Variants in TBKBP1 observed in about 807,000 individuals in gnomAD.
The protein encoded by TBKBP1 is TBK1 binding protein 1.
Under a neutral mutation model 69.9 loss-of-function variants are expected in TBKBP1, and 47 were observed. The ratio of observed to expected loss-of-function variants is 0.67; its 90% confidence interval spans 0.53 to 0.86. TBKBP1 has a LOEUF of 0.86. Among genes scored for constraint, TBKBP1 ranks in the 40% least tolerant of loss-of-function variants. TBKBP1 has a pLI of 0.00. For synonymous variants in TBKBP1, 418 were observed against 390.3 expected (o/e 1.07, Z -0.84); for missense variants, 831 against 858.6 (o/e 0.97, Z 0.40).
chr17:47,709,019 C>A lies in TBKBP1; in HGVS notation c.1286C>A (p.Pro429Gln), dbSNP rs1031767645. ...PSCPAPQPRP[P>Q]PPPPPGERTL... Reference sequence around the variant, plus strand: ...TGCCCGGCCCCGCAGCCCCGGCCACCGCCGCCGCCCCCGCCGGGCGAGAGG... The same window carrying A: ...TGCCCGGCCCCGCAGCCCCGGCCACAGCCGCCGCCCCCGCCGGGCGAGAGG... Residue 429 changes from proline to glutamine, a missense_variant, in exon 9 of 10, where the codon CCG becomes CAG. Coordinates refer to ENST00000578982, the MANE Select transcript of TBKBP1 (RefSeq NM_001394755.1). 5.4e-5 allele frequency: 65 copies of A among 1,193,652 alleles called. No homozygotes were observed. The highest frequency in any genetic ancestry group is 6.8e-5 in the Non-Finnish European group (65 of 960,108). 73.9% of individuals were successfully genotyped at this position (1,193,652 alleles called of 1,614,324 possible). A position where few individuals can be genotyped will look rare whatever the true frequency, so the allele number is the denominator to read the frequency against.
chr17:47,704,661 G>A (rs576316833), intron 7 of TBKBP1, among the ~76,000 whole-genome samples: 11 of 152,092 alleles, frequency 7.2e-5, no homozygotes, highest in Non-Finnish European at 7.4e-5. Flanking sequence ...TACTGCTCCC[G>A]TCCCTGACTC....
intron 7 of TBKBP1, among the ~76,000 whole-genome samples, chr17:47,705,624 G>T (rs747853254): frequency 5.3e-5 from 8 of 152,234 alleles, no homozygotes; most frequent in Non-Finnish European, 1.0e-4. Flanking sequence ...GAAATGGAAT[G>T]TGTATTTCGG....
Position 47,696,255 on chromosome 17 carries a change from AC to A in TBKBP1, c.144del (p.Tyr48Ter). On this transcript the variant is annotated frameshift_variant, in exon 2 of 10. Transcript: ENST00000578982. LOFTEE classifies it high-confidence loss of function. ...SASHFALITAYGDIKERLGGL... is the reference protein window; with the variant it reads ...SASHFALITAXGDIKERLGGL... ...TCCCACTTTGCCCTCATCACTGCTT[AC>A]GGAGACATCAAGGAACGGCTGGGGG... is the stretch of plus-strand genomic sequence containing the variant. 6.2e-7 allele frequency: 1 copy of A among 1,613,722 alleles called. No individual in the cohort carries two copies. Among genetic ancestry groups the A allele is most frequent in the Non-Finnish European group, 8.5e-7 (1 of 1,179,856 alleles).
intron 1 of TBKBP1, among the ~76,000 whole-genome samples, chr17:47,694,897 G>GC (rs1387181857): frequency 6.7e-6 from 1 of 150,302 alleles, no homozygotes; most frequent in Non-Finnish European, 1.5e-5. Flanking sequence ...GAGGGGGGGG[G>GC]GTGGATTGAA....
Position 47,709,014 on chromosome 17 carries a change from G to A in TBKBP1, c.1281G>A (p.Arg427=), listed in dbSNP as rs770927199. 154 of 1,181,710 alleles carry A rather than the reference G, an allele frequency of 1.3e-4. 2 individuals carry two copies. The South Asian group carries it at 4.0e-3, about 30-fold the overall frequency. The allele number at this position is 1,181,710 out of a possible 1,614,324, so 73.2% of individuals were successfully genotyped here. The change falls in exon 9 of 10, where the codon CGG becomes CGA. Residue 427 remains arginine, a synonymous_variant. Coordinates refer to ENST00000578982, the MANE Select transcript of TBKBP1 (RefSeq NM_001394755.1). The part of the protein sequence containing the change: ...VPPSCPAPQP[R]PPPPPPPGER... ...CCAGCTGCCCGGCCCCGCAGCCCCG[G>A]CCACCGCCGCCGCCCCCGCCGGGCG...
Position 47,708,517 on chromosome 17 carries a change from G to A in TBKBP1, c.991+5G>A. The stretch of plus-strand genomic sequence containing the variant: ...AGGAACAGGCCCGGAGTGGCGGTGA[G>A]ATGGGGCAGGGCAGGGGGAGGCAGC... On this transcript the variant is annotated splice_donor_5th_base_variant and intron_variant, in intron 8 of 9. Coordinates refer to ENST00000578982, the MANE Select transcript of TBKBP1 (RefSeq NM_001394755.1). This position sits in a 1 kb window ranked among gnomAD's most constrained non-coding sequence, Gnocchi z 4.4. 1 of 1,613,634 alleles carries A rather than the reference G, an allele frequency of 6.2e-7. No individual in the cohort carries two copies. The highest frequency in any genetic ancestry group is 8.5e-7 in the Non-Finnish European group (1 of 1,179,740).
rs562795930 is a variant in TBKBP1, at chr17:47,697,676, C to G, written c.453+483C>G. ...GCTGTGCCGGTGAGCAGGTCAAAAT[C>G]AAGAGACAGGCCAGGTATGGTGGCT... On this transcript the variant is annotated intron_variant, in intron 4 of 9. Coordinates refer to ENST00000578982, the MANE Select transcript of TBKBP1 (RefSeq NM_001394755.1). 8.1e-4 allele frequency among the ~76,000 whole-genome samples: 123 copies of G among 152,170 alleles called. 1 individual carries two copies. The highest frequency in any genetic ancestry group is 2.9e-3 in the African/African-American group (121 of 41,506).
intron 5 of TBKBP1, 29 bp downstream of exon 5, chr17:47,698,804 C>A: frequency 6.6e-7 from 1 of 1,509,844 alleles, no homozygotes; most frequent in Non-Finnish European, 8.9e-7. Context: ...CGACTTACCT[C>A]CTAGTCCCCA....
intron 7 of TBKBP1, among the ~76,000 whole-genome samples, chr17:47,702,991 G>C (rs1182203759): frequency 7.3e-6 from 1 of 136,542 alleles, no homozygotes; most frequent in Non-Finnish European, 1.6e-5. Context: ...AATGCGGGGG[G>C]GGGAACTTCT....
intron 7 of TBKBP1, among the ~76,000 whole-genome samples, chr17:47,700,276 A>C (rs1276310650): frequency 1.2e-5 from 1 of 81,400 alleles, no homozygotes; most frequent in Non-Finnish European, 2.7e-5. Context: ...GGAGTGAGCC[A>C]CTGCGCCCGG....
chr17:47,697,012 G>A, intron 3 of TBKBP1, 77 bp from the exon 4 acceptor site: 1 of 1,523,858 alleles, frequency 6.6e-7, no homozygotes, highest in Non-Finnish European at 8.9e-7. Context: ...GTGGGGGTGG[G>A]GAGGTGCAGG....
intron 4 of TBKBP1, among the ~76,000 whole-genome samples, chr17:47,697,789 CA>C (rs1160553883): frequency 6.6e-6 from 1 of 151,590 alleles, no homozygotes; most frequent in Non-Finnish European, 1.5e-5. Flanking sequence ...ACAAAAAATA[CA>C]AAAAAGAAGT....
Position 47,699,246 on chromosome 17 carries a change from C to G in TBKBP1, c.635-74C>G, listed in dbSNP as rs547447692. 3.1e-5 allele frequency: 44 copies of G among 1,412,250 alleles called. 1 individual carries two copies. Among genetic ancestry groups the G allele is most frequent in the Middle Eastern group, 2.7e-4 (1 of 3,766 alleles). The allele number at this position is 1,412,250 out of a possible 1,614,324, so 87.5% of individuals were successfully genotyped here. On this transcript the variant is annotated intron_variant, in intron 5 of 9. Transcript: ENST00000578982. ...TCTCTTGGAGTCCCCATGCTGCATC[C>G]TCCTGTTTCACTCTGGCTCTGGGAG...
rs1385270583 is a variant in TBKBP1, at chr17:47,696,248, A to T, written c.136A>T (p.Thr46Ser). ...MCSASHFALI[T>S]AYGDIKERLG... ...CTCCGCCTCCCACTTTGCCCTCATC[A>T]CTGCTTACGGAGACATCAAGGAACG... The change falls in exon 2 of 10, where the codon ACT becomes TCT. Residue 46 changes from threonine to serine, a missense_variant. Transcript: ENST00000578982. The T allele has an allele frequency of 1.2e-6, 2 of 1,613,622 alleles. No homozygotes were observed. The highest frequency in any genetic ancestry group is 1.7e-6 in the Non-Finnish European group (2 of 1,179,812).
At chr17:47,703,617 CT>C (rs2031596548) in intron 7 of TBKBP1, among the ~76,000 whole-genome samples, 1 of 152,178 alleles carries the variant, frequency 6.6e-6, no homozygotes, top group South Asian at 2.1e-4. Context: ...CCAGCGCCCC[CT>C]CCCTCGATGG....
rs377744963 is a variant in TBKBP1 at position 47,696,166 on chromosome 17, G to T, written c.54G>T (p.Gly18=). 18 of 1,613,652 alleles carry T rather than the reference G, an allele frequency of 1.1e-5. No individual in the cohort carries two copies. The African/African-American group carries it at 2.4e-4, about 22-fold the overall frequency. The change falls in exon 2 of 10, where the codon GGG becomes GGT. Residue 18 remains glycine (G), a synonymous_variant. Transcript: ENST00000578982. ...GCATCCTGACGCAGGAGGCCCTGGG[G>T]CCTAGTGAGGTGTGGCTGGACAGTC... ...DISILTQEAL[G]PSEVWLDSPG...
chr17:47,701,152 C>T (rs2031485618), intron 7 of TBKBP1, among the ~76,000 whole-genome samples: 1 of 152,108 alleles, frequency 6.6e-6, no homozygotes, highest in African/African-American at 2.4e-5. Context: ...CTGGGGATAC[C>T]CCTCGCCTAC....
chr17:47,697,695 G>C (rs1005639485), intron 4 of TBKBP1, among the ~76,000 whole-genome samples: 23 of 152,102 alleles, frequency 1.5e-4, no homozygotes, highest in African/African-American at 5.6e-4. Context: ...GGCCAGGTAT[G>C]GTGGCTCACG....
intron 7 of TBKBP1, among the ~76,000 whole-genome samples, chr17:47,703,269 TG>T (rs1326978518): frequency 6.6e-6 from 1 of 151,698 alleles, no homozygotes. Flanking sequence ...TGGGAAGAAG[TG>T]TGAACTCGAG....
Sources: gnomAD v4.1 joint callset for allele counts (sites outside exome capture counted in the v4.1 genomes callset) on GRCh38, gnomAD v4.1.1 for gene constraint, Gnocchi (gnomAD v3.1) non-coding constraint, MANE v1.5 for transcripts, NCBI Gene and HGNC (gene_info 2026-07-23, HGNC 2026-07-21) for gene names.